Variants in TCEA1 observed in about 807,000 individuals in gnomAD.
TCEA1 encodes the protein transcription elongation factor A1, also known as transcription elongation factor A protein 1.
Under a neutral mutation model 43.8 loss-of-function variants are expected in TCEA1, and 21 were observed. The observed-to-expected ratio is 0.48, with a 90% CI of 0.34 to 0.69. TCEA1 has a LOEUF of 0.69. Among genes scored for constraint, TCEA1 ranks in the 30% least tolerant of loss-of-function variants. The pLI is 0.01. For missense variants in TCEA1, 250 were observed against 365.1 expected (o/e 0.68, Z 2.57); for synonymous variants, 104 against 117.5 (o/e 0.88, Z 0.75).
intron 3 of TCEA1, among the ~76,000 whole-genome samples, chr8:53,995,306 A>AG (rs1804018230): frequency 6.6e-6 from 1 of 150,378 alleles, no homozygotes; most frequent in South Asian, 2.1e-4. Context: ...AAAAAAAAAA[A>AG]AAAAAAAAAG....
chr8:53,982,587 G>A (rs1428925967), intron 7 of TCEA1, among the ~76,000 whole-genome samples: 2 of 119,438 alleles, frequency 1.7e-5, no homozygotes, highest in Admixed American at 1.1e-4. Flanking sequence ...CAGCCTGGGC[G>A]ACAACAGTGA....
intron 2 of TCEA1, among the ~76,000 whole-genome samples, chr8:54,004,931 T>A (rs10958394): frequency 0.059 from 9,016 of 152,222 alleles, 532 homozygotes; most frequent in South Asian, 0.28. Context: ...AATAAATTAA[T>A]CTACTATATA....
At chr8:54,019,363 A>G (rs1171400216) in intron 1 of TCEA1, among the ~76,000 whole-genome samples, 1 of 152,112 alleles carries the variant, frequency 6.6e-6, no homozygotes, top group Non-Finnish European at 1.5e-5. Flanking sequence ...TGAGATCAGG[A>G]GTTCAAGACC....
chr8:54,000,618 T>C (rs1200489962), intron 2 of TCEA1, among the ~76,000 whole-genome samples: 2 of 152,236 alleles, frequency 1.3e-5, no homozygotes, highest in Non-Finnish European at 1.5e-5. Flanking sequence ...CCTAGAATTA[T>C]GCTTAGAGCA....
intron 2 of TCEA1, chr8:54,003,128 C>A (rs994844475): frequency 2.2e-6 from 1 of 453,260 alleles, no homozygotes; most frequent in Non-Finnish European, 4.4e-6. Flanking sequence ...TGTACAGCTA[C>A]TATAAAACAC....
chr8:54,000,811 T>G (rs1337136418), intron 2 of TCEA1, among the ~76,000 whole-genome samples: 1 of 146,778 alleles, frequency 6.8e-6, no homozygotes, highest in Non-Finnish European at 1.5e-5. Flanking sequence ...CAGGCTGGAG[T>G]GCAGTGGGGC....
At chr8:53,973,408 A>C in intron 8 of TCEA1, 1 of 505,954 alleles carries the variant, frequency 2.0e-6, no homozygotes, top group Non-Finnish European at 3.7e-6. Context: ...ACTCTTGCTA[A>C]AGAGGCCAGT....
intron 9 of TCEA1, among the ~76,000 whole-genome samples, chr8:53,969,499 A>C (rs1301689758): frequency 6.6e-6 from 1 of 151,612 alleles, no homozygotes; most frequent in Non-Finnish European, 1.5e-5. Flanking sequence ...GTATAAATGA[A>C]AAAAAAAAGA....
chr8:54,021,711 G>C (rs773278717), intron 1 of TCEA1: 5 of 203,442 alleles, frequency 2.5e-5, no homozygotes, highest in Non-Finnish European at 2.9e-5. Flanking sequence ...ATTCTTTCAA[G>C]TTCTGAGGAC....
chr8:54,010,448 C>T lies in TCEA1; in HGVS notation c.108G>A (p.Met36Ile), dbSNP rs747721723. ...DLLKELKNIPMTLELLQSTRI... is the reference protein window; with the variant it reads ...DLLKELKNIPITLELLQSTRI... ...CACATACCTGCAGTAATTCCAGGGT[C>T]ATAGGAATATTCTTAAGCTCCTTTA... The change falls in exon 2 of 10, where the codon ATG becomes ATA. Residue 36 changes from methionine (M) to isoleucine (I), a missense_variant. Physicochemically the swap from Met to Ile is conservative, Grantham distance 10. Coordinates refer to ENST00000521604, the MANE Select transcript of TCEA1 (RefSeq NM_006756.4). 2.5e-6 allele frequency: 4 copies of T among 1,606,348 alleles called. No homozygotes were observed. The highest frequency in any genetic ancestry group is 4.5e-5 in the East Asian group (2 of 44,706).
chr8:53,992,955 C>CTTTT lies in TCEA1; in HGVS notation c.320+709_320+712dup, dbSNP rs34864863. Among the ~76,000 whole-genome samples, 435 of 136,260 alleles carry CTTTT rather than the reference C, an allele frequency of 3.2e-3. 3 individuals are homozygous for CTTTT. The highest frequency in any genetic ancestry group is 0.011 in the African/African-American group (413 of 37,198). The allele number at this position is 136,260 out of a possible 152,430, so 89.4% of individuals were successfully genotyped here. A position where few individuals can be genotyped will look rare whatever the true frequency, so the allele number is the denominator to read the frequency against. On this transcript the variant is annotated intron_variant, in intron 4 of 9. Coordinates refer to ENST00000521604, the MANE Select transcript of TCEA1 (RefSeq NM_006756.4). The stretch of plus-strand genomic sequence containing the variant: ...CATTTTAAGTTCTTATAACAAATGG[C>CTTTT]TTTTTTTTTTTTTTTAAGATAAGGT...
chr8:53,968,235 A>G (rs1210049685), intron 9 of TCEA1, 123 bp from the exon 10 acceptor site: 1 of 707,656 alleles, frequency 1.4e-6, no homozygotes, highest in African/African-American at 1.8e-5. Context: ...AAGATGCTGT[A>G]TTTTTCACAC....
chr8:54,012,662 ATTATCT>A (rs961398149), intron 1 of TCEA1, among the ~76,000 whole-genome samples: 1 of 152,264 alleles, frequency 6.6e-6, no homozygotes, highest in Non-Finnish European at 1.5e-5. Context: ...TATATACCAA[ATTATCT>A]TTATCAAATC....
intron 4 of TCEA1, among the ~76,000 whole-genome samples, chr8:53,989,811 G>A (rs539644633): frequency 6.6e-6 from 1 of 152,014 alleles, no homozygotes. Flanking sequence ...GTGGTGAAGA[G>A]AGCAAGAGTT....
intron 1 of TCEA1, among the ~76,000 whole-genome samples, chr8:54,012,789 AAATTAG>A (rs1283997565): frequency 6.6e-6 from 1 of 151,990 alleles, no homozygotes; most frequent in Non-Finnish European, 1.5e-5. Context: ...TAAAGATAAA[AAATTAG>A]CTGGCCATAG....
intron 2 of TCEA1, 66 bp downstream of exon 2, chr8:54,010,364 T>C (rs1586033810): frequency 3.4e-6 from 4 of 1,187,516 alleles, no homozygotes; most frequent in Middle Eastern, 1.9e-4. Context: ...ATATTGGTAC[T>C]GAAGATGTTT....
chr8:53,968,214 C>G (rs1210109809), intron 9 of TCEA1, 102 bp from the exon 10 acceptor site: 2 of 952,620 alleles, frequency 2.1e-6, no homozygotes, highest in Non-Finnish European at 1.5e-6. Flanking sequence ...AAAAAAGATG[C>G]ATTTTTGAAA....
intron 2 of TCEA1, among the ~76,000 whole-genome samples, chr8:54,001,470 T>C (rs1804258073): frequency 1.3e-5 from 2 of 152,002 alleles, no homozygotes; most frequent in African/African-American, 4.8e-5. Context: ...ACAGACAAGA[T>C]TGAACAGCAG....
intron 3 of TCEA1, among the ~76,000 whole-genome samples, chr8:53,997,768 G>A (rs550755471): frequency 1.3e-5 from 2 of 152,278 alleles, no homozygotes; most frequent in South Asian, 2.1e-4. Flanking sequence ...GGGCAGTGGC[G>A]GATGCTTGCA....
Sources: gnomAD v4.1 joint callset for allele counts (sites outside exome capture counted in the v4.1 genomes callset) on GRCh38, gnomAD v4.1.1 for gene constraint, MANE v1.5 for transcripts, NCBI Gene and HGNC (gene_info 2026-07-23, HGNC 2026-07-21) for gene names.